YARS1: variants seen among roughly 807,000 people sequenced by gnomAD.
The protein encoded by YARS1 is tyrosine--tRNA ligase, cytoplasmic.
In YARS1, 36 loss-of-function variants were observed where a neutral mutation model predicts 62.2. The ratio of observed to expected loss-of-function variants is 0.58; its 90% CI spans 0.44 to 0.76. YARS1 has a LOEUF of 0.76. Among genes scored for constraint, YARS1 ranks in the 30% least tolerant of loss-of-function variants. The pLI, the probability that YARS1 is intolerant of heterozygous loss-of-function variation, is 0.00. For synonymous variants in YARS1, 234 were observed against 244.9 expected (o/e 0.96, Z 0.42); for missense variants, 524 against 639.8 (o/e 0.82, Z 1.95).
Position 32,817,282 on chromosome 1 carries a change from C to CCAGA in YARS1, c.-42_-39dup, listed in dbSNP as rs770022702. Reference sequence around the variant, plus strand: ...CCTGCTTCCCCCGCTCAGCCCGGCACCAGAGCCCCTTCCTGGGTCACCGTC... The same window carrying CCAGA: ...CCTGCTTCCCCCGCTCAGCCCGGCACCAGACAGAGCCCCTTCCTGGGTCACCGTC... On this transcript the variant is annotated 5_prime_UTR_variant, in exon 1 of 13. Transcript: ENST00000373477. 13 of 1,612,674 alleles carry CCAGA rather than the reference C, an allele frequency of 8.1e-6. 1 individual carries two copies. The South Asian group carries it at 1.4e-4, about 18-fold the overall frequency.
intron 4 of YARS1, among the ~76,000 whole-genome samples, chr1:32,801,270 G>A (rs186323194): frequency 9.2e-5 from 14 of 152,084 alleles, no homozygotes; most frequent in Non-Finnish European, 1.6e-4. Flanking sequence ...ATACCTCAGC[G>A]ATACTGTGGG....
intron 7 of YARS1, 104 bp from the exon 8 acceptor site, chr1:32,786,551 A>C: frequency 9.1e-7 from 1 of 1,103,990 alleles, no homozygotes; most frequent in Non-Finnish European, 1.4e-6. Flanking sequence ...AGTTTTTGCC[A>C]TATATTCTGA....
At chr1:32,799,866 G>T (rs1334502419) in intron 4 of YARS1, among the ~76,000 whole-genome samples, 1 of 151,992 alleles carries the variant, frequency 6.6e-6, no homozygotes, top group Non-Finnish European at 1.5e-5. Flanking sequence ...ATGGAGTCTT[G>T]CTACGTTGCC....
intron 12 of YARS1, among the ~76,000 whole-genome samples, chr1:32,778,736 CTTTT>C (rs67504155): frequency 5.0e-5 from 6 of 120,068 alleles, no homozygotes; most frequent in African/African-American, 1.3e-4. Context: ...CTTTTCTTTT[CTTTT>C]TTTTTTTTTT....
chr1:32,798,164 G>A, intron 4 of YARS1: 1 of 354,144 alleles, frequency 2.8e-6, no homozygotes, highest in Non-Finnish European at 5.4e-6. Context: ...GAGCCACCAT[G>A]CCCAGCCTAA....
intron 4 of YARS1, among the ~76,000 whole-genome samples, chr1:32,804,049 G>A (rs1344088471): frequency 6.6e-6 from 1 of 152,122 alleles, no homozygotes; most frequent in Non-Finnish European, 1.5e-5. Flanking sequence ...GAGAGCACGG[G>A]GTTGGGGGTA....
rs777619138 is a variant in YARS1, at chr1:32,779,536, A to G, written c.1335-13T>C. 1.9e-6 allele frequency: 3 copies of G among 1,614,192 alleles called. No homozygotes were observed. Among genetic ancestry groups the G allele is most frequent in the Non-Finnish European group, 2.5e-6 (3 of 1,180,030 alleles). On this transcript the variant is annotated splice_polypyrimidine_tract_variant and intron_variant, in intron 11 of 12. Coordinates refer to ENST00000373477, the MANE Select transcript of YARS1 (RefSeq NM_003680.4). ...GTTTATCCCTTCTCTGGGAAGACAC[A>G]GGACAAGAGAAGAGTGAGGCTATGG...
chr1:32,801,738 C>T (rs1192016044), intron 4 of YARS1, among the ~76,000 whole-genome samples: 8 of 152,154 alleles, frequency 5.3e-5, no homozygotes, highest in East Asian at 3.8e-4. Flanking sequence ...GCTTTATCAA[C>T]GAAGTTTATG....
In YARS1 at chr1:32,800,480, A is replaced by C. The variant is rs552090202; in HGVS notation, c.511-2637T>G. ...CATAGTGAGACCCTGTCTCTACAAA[A>C]AATTTAATTAAAAAAAATTATACAG... On this transcript the variant is annotated intron_variant, in intron 4 of 12. Transcript: ENST00000373477. 4.6e-5 allele frequency among the ~76,000 whole-genome samples: 7 copies of C among 152,306 alleles called. No individual in the cohort carries two copies. In the East Asian group the frequency reaches 1.4e-3, roughly 29 times the overall value.
chr1:32,802,557 T>C (rs772567989), intron 4 of YARS1, among the ~76,000 whole-genome samples: 3 of 152,228 alleles, frequency 2.0e-5, no homozygotes, highest in Non-Finnish European at 4.4e-5. Flanking sequence ...CCACGGGCTA[T>C]AGAATGGATG....
chr1:32,807,621 C>G (rs1005488896), intron 3 of YARS1, among the ~76,000 whole-genome samples: 1 of 151,980 alleles, frequency 6.6e-6, no homozygotes, highest in Admixed American at 6.6e-5. Context: ...CCACACCTGG[C>G]TAATTTTTCT....
intron 3 of YARS1, among the ~76,000 whole-genome samples, chr1:32,808,635 A>G (rs1638515938): frequency 6.6e-6 from 1 of 152,220 alleles, no homozygotes; most frequent in Non-Finnish European, 1.5e-5. Context: ...CTTCACAGGT[A>G]TAACTCCAGT....
At chr1:32,781,478 G>A (rs1437123766) in intron 9 of YARS1, 1 of 324,902 alleles carries the variant, frequency 3.1e-6, no homozygotes, top group East Asian at 7.8e-5. Context: ...TAGCACTTTG[G>A]GAGGCTGAGA....
rs768856707 is a variant in YARS1 at position 32,817,191 on chromosome 1, C to T, written c.54G>A (p.Leu18=). Residue 18 remains leucine (L), a synonymous_variant, in exon 1 of 13, where the codon CTG becomes CTA. Transcript: ENST00000373477. ...ATTTCCAACCCCCAGGCCTGACCTGCAGGTTCCGGGTGATAAGGTGCAGTT... is the reference window on the plus strand; with the variant it reads ...ATTTCCAACCCCCAGGCCTGACCTGTAGGTTCCGGGTGATAAGGTGCAGTT... The part of the protein sequence containing the change: ...EEKLHLITRN[L]QEVLGEEKLK... 6.2e-7 allele frequency: 1 copy of T among 1,614,202 alleles called. No homozygotes were observed. The highest frequency in any genetic ancestry group is 8.5e-7 in the Non-Finnish European group (1 of 1,180,008).
chr1:32,791,609 C>T (rs984605813), intron 5 of YARS1, among the ~76,000 whole-genome samples: 1 of 152,062 alleles, frequency 6.6e-6, no homozygotes, highest in African/African-American at 2.4e-5. Flanking sequence ...CAAGATGAGC[C>T]TGGCCAACAT....
chr1:32,808,946 A>G (rs1205827272), intron 3 of YARS1, among the ~76,000 whole-genome samples: 1 of 152,230 alleles, frequency 6.6e-6, no homozygotes, highest in Admixed American at 6.5e-5. Flanking sequence ...CATATCCAGT[A>G]TCTAGAACAG....
rs1652836835 is a variant in YARS1 at position 32,775,808 on chromosome 1, A to ACTCC, written c.*172_*173insGGAG. 3 of 655,400 alleles carry ACTCC rather than the reference A, an allele frequency of 4.6e-6. No homozygotes were observed. The allele number at this position is 655,400 out of a possible 1,614,324, so 40.6% of individuals were successfully genotyped here. A position where few individuals can be genotyped will look rare whatever the true frequency, so the allele number is the denominator to read the frequency against. On this transcript the variant is annotated 3_prime_UTR_variant, in exon 13 of 13. Transcript: ENST00000373477. ...TCTCTCACTGCAGCCAGACAGGATG[A>ACTCC]TCCTGGGTTCTGGGGAGGGTAAGCT...
rs986483003 is a variant in YARS1, at chr1:32,776,308, C to T, written c.1477-217G>A. Reference sequence around the variant, plus strand: ...GACTACAGGCATGCACCACCACGCCCGACTAATTTTGTACTTTTAGTAGAC... The same window carrying T: ...GACTACAGGCATGCACCACCACGCCTGACTAATTTTGTACTTTTAGTAGAC... On this transcript the variant is annotated intron_variant, in intron 12 of 12. Coordinates refer to ENST00000373477, the MANE Select transcript of YARS1 (RefSeq NM_003680.4). The surrounding 1 kb of genome is among the most constrained non-coding windows in gnomAD (Gnocchi z 4.0). Among the ~76,000 whole-genome samples the T allele has an allele frequency of 7.9e-5, 12 of 151,996 alleles. No individual in the cohort carries two copies. The highest frequency in any genetic ancestry group is 2.9e-4 in the African/African-American group (12 of 41,372).
rs182757541 is a variant in YARS1, at chr1:32,777,480, A to G, written c.1477-1389T>C. 3.2e-3 allele frequency among the ~76,000 whole-genome samples: 492 copies of G among 152,254 alleles called. 2 individuals carry two copies. The highest frequency in any genetic ancestry group is 0.011 in the African/African-American group (477 of 41,578). Reference sequence around the variant, plus strand: ...ACAAAAATCAGCTGGATGTGGTCGCAGGCACCTGTAATCCCAGCTACTCAG... The same window carrying G: ...ACAAAAATCAGCTGGATGTGGTCGCGGGCACCTGTAATCCCAGCTACTCAG... On this transcript the variant is annotated intron_variant, in intron 12 of 12. Coordinates refer to ENST00000373477, the MANE Select transcript of YARS1 (RefSeq NM_003680.4).
Sources: gnomAD v4.1 joint callset for allele counts (sites outside exome capture counted in the v4.1 genomes callset) on GRCh38, gnomAD v4.1.1 for gene constraint, Gnocchi (gnomAD v3.1) non-coding constraint, MANE v1.5 for transcripts, NCBI Gene and HGNC (gene_info 2026-07-23, HGNC 2026-07-21) for gene names.